Variants in SPOCK1 observed in about 807,000 individuals in gnomAD.
SPOCK1 encodes testican-1.
A neutral mutation model predicts 55.3 loss-of-function variants in SPOCK1; 23 were observed. That is an observed-to-expected ratio of 0.42 (90% CI 0.30 to 0.59). The LOEUF (loss-of-function observed/expected upper bound fraction) is 0.59. Among genes scored for constraint, SPOCK1 ranks in the 20% least tolerant of loss-of-function variants. The pLI is 0.22. For synonymous variants in SPOCK1, 226 were observed against 221.0 expected, an observed-to-expected ratio of 1.02 and a Z score of -0.20; for missense variants, 499 against 552.5, an observed-to-expected ratio of 0.90 and a Z score of 0.97.
chr5:137,084,697 C>T (rs539612613), intron 5 of SPOCK1, among the ~76,000 whole-genome samples: 1 of 152,036 alleles, frequency 6.6e-6, no homozygotes, highest in East Asian at 1.9e-4. Context: ...CAGCGCCTTA[C>T]CAAGCCTAAA....
At chr5:137,480,693 C>T (rs890232174) in intron 2 of SPOCK1, among the ~76,000 whole-genome samples, 1 of 152,136 alleles carries the variant, frequency 6.6e-6, no homozygotes, top group Non-Finnish European at 1.5e-5. Context: ...ACGTCACCCA[C>T]CCCATGCCCT....
At chr5:137,442,377 G>A (rs73300781) in intron 2 of SPOCK1, among the ~76,000 whole-genome samples, 2,964 of 152,226 alleles carry the variant, frequency 0.019, 38 homozygotes, top group Middle Eastern at 0.034. Flanking sequence ...AGGGAGAATT[G>A]GGTTCAAATC....
chr5:137,330,771 C>T (rs1442198181), intron 2 of SPOCK1, among the ~76,000 whole-genome samples: 2 of 152,184 alleles, frequency 1.3e-5, no homozygotes, highest in Non-Finnish European at 2.9e-5. Context: ...CTTCCCAGTC[C>T]CACATTCACC....
rs190320944 is a variant in SPOCK1 at position 137,174,401 on chromosome 5, G to C, written c.233-33707C>G. The stretch of plus-strand genomic sequence containing the variant: ...TTCATATGCTTCAAGACAATTACTA[G>C]ATCTCCCTGCAGGCTTCTTTCCCTG... On this transcript the variant is annotated intron_variant, in intron 3 of 10. Coordinates refer to ENST00000394945, the MANE Select transcript of SPOCK1 (RefSeq NM_004598.4). Among the ~76,000 whole-genome samples, 24 of 152,302 alleles carry C rather than the reference G, an allele frequency of 1.6e-4. No individual in the cohort carries two copies. In the East Asian group the frequency reaches 4.4e-3, roughly 28 times the overall value.
rs754652101 is a variant in SPOCK1 at position 137,366,899 on chromosome 5, A to C, written c.187-99844T>G. 1.5e-3 allele frequency among the ~76,000 whole-genome samples: 226 copies of C among 152,232 alleles called. 5 individuals carry two copies. Among genetic ancestry groups the C allele is most frequent in the Admixed American group, 8.5e-4 (13 of 15,286 alleles). ...TTGTCAGCAAAACAAGAAAAGTATC[A>C]GACCAAGTAACTGAGAAGAATAACA... is the stretch of plus-strand genomic sequence containing the variant. On this transcript the variant is annotated intron_variant, in intron 2 of 10. Transcript: ENST00000394945.
At chr5:137,290,554 C>A (rs1757354220) in intron 2 of SPOCK1, among the ~76,000 whole-genome samples, 1 of 152,178 alleles carries the variant, frequency 6.6e-6, no homozygotes, top group South Asian at 2.1e-4. Context: ...CATGGGTGTG[C>A]TCACTTTGTG....
intron 2 of SPOCK1, among the ~76,000 whole-genome samples, chr5:137,406,388 G>A (rs555217804): frequency 1.3e-5 from 2 of 152,324 alleles, no homozygotes; most frequent in African/African-American, 2.4e-5. Flanking sequence ...GCATGCCCAC[G>A]ACATTGAAGG....
chr5:137,159,153 T>C (rs192117471), intron 3 of SPOCK1, among the ~76,000 whole-genome samples: 1 of 152,132 alleles, frequency 6.6e-6, no homozygotes, highest in African/African-American at 2.4e-5. Flanking sequence ...CTTCCTTTCT[T>C]TGATGGAGAT....
intron 5 of SPOCK1, among the ~76,000 whole-genome samples, chr5:137,079,531 AT>A (rs1459211152): frequency 2.3e-3 from 71 of 30,262 alleles, no homozygotes; most frequent in African/African-American, 4.9e-3. Context: ...ATCCCATCTG[AT>A]TCCCCCCCCC....
chr5:137,146,685 C>T (rs1348334804), intron 3 of SPOCK1, among the ~76,000 whole-genome samples: 3 of 152,184 alleles, frequency 2.0e-5, no homozygotes, highest in Admixed American at 6.5e-5. Context: ...CACCAGCTGA[C>T]GACAGAGCCT....
intron 2 of SPOCK1, among the ~76,000 whole-genome samples, chr5:137,436,830 C>T (rs1752875436): frequency 6.6e-6 from 1 of 152,088 alleles, no homozygotes; most frequent in Non-Finnish European, 1.5e-5. Flanking sequence ...TCCTGTTATG[C>T]TATTCCTGTG....
At chr5:137,017,785 T>C (rs931338419) in intron 6 of SPOCK1, among the ~76,000 whole-genome samples, 6 of 152,174 alleles carry the variant, frequency 3.9e-5, no homozygotes, top group African/African-American at 7.2e-5. Context: ...GGTCTGTATA[T>C]ATCAAAGCCA....
chr5:137,018,947 C>T (rs983279653), intron 6 of SPOCK1, among the ~76,000 whole-genome samples: 13 of 152,022 alleles, frequency 8.6e-5, no homozygotes, highest in Admixed American at 1.3e-4. Context: ...ACAAAGGCAA[C>T]GAGCAAATGC....
chr5:137,080,296 T>C (rs1004961724), intron 5 of SPOCK1, among the ~76,000 whole-genome samples: 1 of 152,206 alleles, frequency 6.6e-6, no homozygotes, highest in Non-Finnish European at 1.5e-5. Context: ...TATCTGATTC[T>C]AAAGTCTGTG....
At chr5:137,289,378 G>T (rs981199360) in intron 2 of SPOCK1, among the ~76,000 whole-genome samples, 3 of 152,178 alleles carry the variant, frequency 2.0e-5, no homozygotes, top group South Asian at 2.1e-4. Flanking sequence ...GGCACATTCT[G>T]GTTCCATGGT....
In SPOCK1 at chr5:136,977,600, A is replaced by G. The variant is rs1272093960; in HGVS notation, c.*1054T>C. On this transcript the variant is annotated 3_prime_UTR_variant, in exon 11 of 11. Transcript: ENST00000394945. ...CTTAGAAAAAGCCCTTGAGTAGGTAAGGAAGGAAGAAACCTATGGCAGACA... is the reference window on the plus strand; with the variant it reads ...CTTAGAAAAAGCCCTTGAGTAGGTAGGGAAGGAAGAAACCTATGGCAGACA... 2.6e-6 allele frequency: 1 copy of G among 390,414 alleles called. No individual in the cohort carries two copies. The highest frequency in any genetic ancestry group is 4.5e-6 in the Non-Finnish European group (1 of 221,988). The allele number at this position is 390,414 out of a possible 1,614,324, so 24.2% of individuals were successfully genotyped here.
intron 3 of SPOCK1, among the ~76,000 whole-genome samples, chr5:137,146,000 G>T (rs1465389587): frequency 6.6e-6 from 1 of 152,210 alleles, no homozygotes; most frequent in Non-Finnish European, 1.5e-5. Flanking sequence ...ACCATGCTGG[G>T]GAGCCAGGGC....
intron 4 of SPOCK1, 123 bp downstream of exon 4, chr5:137,140,457 C>T (rs981972241): frequency 1.4e-6 from 1 of 705,626 alleles, no homozygotes; most frequent in Non-Finnish European, 2.3e-6. Flanking sequence ...AAACACCATA[C>T]AAATGGCGAC....
chr5:137,063,522 C>T (rs1443747594), intron 6 of SPOCK1, among the ~76,000 whole-genome samples: 1 of 152,082 alleles, frequency 6.6e-6, no homozygotes. Flanking sequence ...AAGCAGAGCA[C>T]ACTAGGAGAT....
Sources: allele counts gnomAD v4.1 joint callset (sites outside exome capture counted in the v4.1 genomes callset), GRCh38; gene constraint gnomAD v4.1.1; transcripts MANE v1.5; gene names NCBI Gene and HGNC (gene_info 2026-07-23, HGNC 2026-07-21).